Variants in IGFBP2 observed in about 807,000 individuals in gnomAD.
The protein encoded by IGFBP2 is insulin like growth factor binding protein 2.
Under a neutral mutation model 26.2 loss-of-function variants are expected in IGFBP2, and 12 were observed. The observed-to-expected ratio is 0.46, with a 90% CI of 0.29 to 0.74. The LOEUF (loss-of-function observed/expected upper bound fraction) is 0.74, where lower values mean the gene tolerates loss of function less well. Among genes scored for constraint, IGFBP2 ranks in the 30% least tolerant of loss-of-function variants. IGFBP2 has a pLI of 0.09. For missense variants in IGFBP2, 328 were observed against 441.2 expected (o/e 0.74, Z 2.30); for synonymous variants, 189 against 200.6 (o/e 0.94, Z 0.49).
At chr2:216,653,019 T>G (rs1697857543) in intron 1 of IGFBP2, among the ~76,000 whole-genome samples, 1 of 152,156 alleles carries the variant, frequency 6.6e-6, no homozygotes, top group Admixed American at 6.5e-5. Context: ...TAAGTCTTTC[T>G]TCAGAATAAA....
At chr2:216,633,401 G>C (rs1055606115), upstream of IGFBP2, 1 of 165,744 alleles carries the variant, frequency 6.0e-6, no homozygotes, top group African/African-American at 2.4e-5. Flanking sequence ...TTTAGGACCC[G>C]GCTGCGGCGG....
At position 216,646,862 on chromosome 2, in the gene IGFBP2, G is replaced by T. The variant is rs9341148; in HGVS notation, c.442+12897G>T. Among the ~76,000 whole-genome samples, 697 of 152,272 alleles carry T rather than the reference G, an allele frequency of 4.6e-3. 4 individuals are homozygous for T. Among genetic ancestry groups the T allele is most frequent in the African/African-American group, 0.016 (675 of 41,546 alleles). On this transcript the variant is annotated intron_variant, in intron 1 of 3. Coordinates refer to ENST00000233809, the MANE Select transcript of IGFBP2 (RefSeq NM_000597.3). ...GAGCTACAATTCATGGTGAGATTTG[G>T]GTGGGGACACAGCCAAACCATATCA...
Position 216,633,744 on chromosome 2 carries a change from C to T in IGFBP2, c.221C>T (p.Pro74Leu), listed in dbSNP as rs1697436059. The change falls in exon 1 of 4, where the codon CCA becomes CTA. Residue 74 changes from proline to leucine, a missense_variant. Physicochemically the swap from Pro to Leu is moderately conservative, Grantham distance 98. Coordinates refer to ENST00000233809, the MANE Select transcript of IGFBP2 (RefSeq NM_000597.3). ...VAAVAGGARMPCAELVREPGC... is the reference protein window; with the variant it reads ...VAAVAGGARMLCAELVREPGC... ...GCAGTGGCCGGAGGCGCCCGCATGC[C>T]ATGCGCGGAGCTCGTCCGGGAGCCG... 7.0e-6 allele frequency: 9 copies of T among 1,291,232 alleles called. No homozygotes were observed. The highest frequency in any genetic ancestry group is 7.8e-6 in the Non-Finnish European group (8 of 1,022,394). 80.0% of individuals were successfully genotyped at this position (1,291,232 alleles called of 1,614,324 possible).
chr2:216,633,996 A>G, intron 1 of IGFBP2, 31 bp downstream of exon 1: 1 of 1,563,884 alleles, frequency 6.4e-7, no homozygotes. Flanking sequence ...TAGTTGGGAG[A>G]AACTTGGAGG....
At chr2:216,647,131 G>T (rs961330583) in intron 1 of IGFBP2, among the ~76,000 whole-genome samples, 1 of 152,146 alleles carries the variant, frequency 6.6e-6, no homozygotes. Flanking sequence ...AAGTCTCTTG[G>T]GAAGAGCTTG....
At chr2:216,662,564 G>A (rs1688679488) in intron 3 of IGFBP2, 1 of 154,596 alleles carries the variant, frequency 6.5e-6, no homozygotes, top group African/African-American at 2.4e-5. Flanking sequence ...ATACATTGGA[G>A]AAAATGAAGT....
chr2:216,656,879 C>G (rs949221366), intron 1 of IGFBP2, among the ~76,000 whole-genome samples: 1 of 152,072 alleles, frequency 6.6e-6, no homozygotes, highest in Non-Finnish European at 1.5e-5. Context: ...CAGCAGACTC[C>G]CAGAGCTCCT....
At chr2:216,661,795 T>TA in intron 2 of IGFBP2, 63 bp from the exon 3 acceptor site, 2 of 1,598,684 alleles carry the variant, frequency 1.3e-6, no homozygotes, top group Non-Finnish European at 1.7e-6. Flanking sequence ...AGCTTGCGTC[T>TA]GGCGCGTGCT....
At chr2:216,649,046 T>A (rs1697768951) in intron 1 of IGFBP2, among the ~76,000 whole-genome samples, 3 of 152,284 alleles carry the variant, frequency 2.0e-5, no homozygotes, top group Non-Finnish European at 4.4e-5. Context: ...TTAGTGTTTA[T>A]CTTTCTTAGC....
At position 216,633,895 on chromosome 2, in the gene IGFBP2, G is replaced by C; in HGVS notation, c.372G>C (p.Leu124=). 6.3e-7 allele frequency: 1 copy of C among 1,594,636 alleles called. No individual in the cohort carries two copies. The highest frequency in any genetic ancestry group is 8.5e-7 in the Non-Finnish European group (1 of 1,172,844). The part of the protein sequence containing the change: ...HPGSELPLQA[L]VMGEGTCEKR... Reference sequence around the variant, plus strand: ...GCTCCGAGCTGCCCCTGCAGGCGCTGGTCATGGGCGAGGGCACTTGTGAGA... The same window carrying C: ...GCTCCGAGCTGCCCCTGCAGGCGCTCGTCATGGGCGAGGGCACTTGTGAGA... The change falls in exon 1 of 4, where the codon CTG becomes CTC. Residue 124 remains leucine, a synonymous_variant. Coordinates refer to ENST00000233809, the MANE Select transcript of IGFBP2 (RefSeq NM_000597.3).
At chr2:216,657,466 G>A (rs1181565477) in intron 1 of IGFBP2, among the ~76,000 whole-genome samples, 1 of 152,116 alleles carries the variant, frequency 6.6e-6, no homozygotes, top group Non-Finnish European at 1.5e-5. Flanking sequence ...AAGAGGGAAG[G>A]GGGGCTCTTC....
chr2:216,634,805 G>C (rs1229934276), intron 1 of IGFBP2, among the ~76,000 whole-genome samples: 1 of 131,522 alleles, frequency 7.6e-6, no homozygotes, highest in Non-Finnish European at 1.5e-5. Context: ...CTGTAGGATA[G>C]AATGAGGACC....
intron 1 of IGFBP2, among the ~76,000 whole-genome samples, chr2:216,647,259 T>A (rs35521679): frequency 0.3 from 44,915 of 152,034 alleles, 10,009 homozygotes; most frequent in African/African-American, 0.62. Flanking sequence ...TCTTCCTTCC[T>A]AAAATGTTAA....
chr2:216,645,435 G>T (rs551776664), intron 1 of IGFBP2, among the ~76,000 whole-genome samples: 2 of 152,222 alleles, frequency 1.3e-5, no homozygotes, highest in Non-Finnish European at 2.9e-5. Context: ...CCATCTGGTT[G>T]GTTAACAACC....
At position 216,636,827 on chromosome 2, in the gene IGFBP2, G is replaced by C. The variant is rs536276520; in HGVS notation, c.442+2862G>C. On this transcript the variant is annotated intron_variant, in intron 1 of 3. Coordinates refer to ENST00000233809, the MANE Select transcript of IGFBP2 (RefSeq NM_000597.3). ...TGCAGGGGATTATGCTGAGGGGCGG[G>C]GCCGCCCGAGTGGCCGTTTGGCCCG... 7.2e-5 allele frequency among the ~76,000 whole-genome samples: 11 copies of C among 152,182 alleles called. No individual in the cohort carries two copies. In the South Asian group the frequency reaches 8.3e-4, roughly 11 times the overall value.
At chr2:216,661,528 T>C in intron 2 of IGFBP2, 1 of 408,136 alleles carries the variant, frequency 2.5e-6, no homozygotes, top group Non-Finnish European at 4.7e-6. Flanking sequence ...AGCTTGGGCA[T>C]GGGGTGGGGG....
At chr2:216,637,383 A>G (rs569673835) in intron 1 of IGFBP2, among the ~76,000 whole-genome samples, 1 of 152,214 alleles carries the variant, frequency 6.6e-6, no homozygotes, top group Non-Finnish European at 1.5e-5. Context: ...GTGGCCCGAC[A>G]GATTCTGGAC....
intron 1 of IGFBP2, 120 bp downstream of exon 1, chr2:216,634,085 A>C (rs1009278354): frequency 2.2e-6 from 3 of 1,377,568 alleles, no homozygotes; most frequent in African/African-American, 3.0e-5. Context: ...GGACCAAATC[A>C]AGGGGGACTG....
Position 216,664,151 on chromosome 2 carries a change from A to G in IGFBP2, c.*47A>G. 1 of 1,454,800 alleles carries G rather than the reference A, an allele frequency of 6.9e-7. No individual in the cohort carries two copies. The highest frequency in any genetic ancestry group is 9.2e-7 in the Non-Finnish European group (1 of 1,084,756). The allele number at this position is 1,454,800 out of a possible 1,614,324, so 90.1% of individuals were successfully genotyped here. Reference sequence around the variant, plus strand: ...GCGCCCCTGCCCCCCGCCCCTCTCCAAACACCGGCAGAAAACGGAGAGTGC... The same window carrying G: ...GCGCCCCTGCCCCCCGCCCCTCTCCGAACACCGGCAGAAAACGGAGAGTGC... On this transcript the variant is annotated 3_prime_UTR_variant, in exon 4 of 4. Transcript: ENST00000233809. This position sits in a 1 kb window ranked among gnomAD's most constrained non-coding sequence, Gnocchi z 4.6.
Sources: gnomAD v4.1 joint callset for allele counts (sites outside exome capture counted in the v4.1 genomes callset) on GRCh38, gnomAD v4.1.1 for gene constraint, Gnocchi (gnomAD v3.1) non-coding constraint, MANE v1.5 for transcripts, NCBI Gene and HGNC (gene_info 2026-07-23, HGNC 2026-07-21) for gene names.